FAM163A: variants seen among roughly 807,000 people sequenced by gnomAD.
FAM163A encodes the protein protein FAM163A.
FAM163A carries 7 observed loss-of-function variants against 12.0 expected under a neutral mutation model. The observed-to-expected ratio is 0.58, with a 90% CI of 0.33 to 1.10. FAM163A has a LOEUF of 1.10. FAM163A is among the 50% of genes least tolerant of loss of function. The pLI is 0.03. For synonymous variants in FAM163A, 101 were observed against 91.0 expected (o/e 1.11, Z -0.62); for missense variants, 202 against 218.6 (o/e 0.92, Z 0.48).
At chr1:179,794,139 C>T (rs1422537488) in intron 1 of FAM163A, among the ~76,000 whole-genome samples, 1 of 152,238 alleles carries the variant, frequency 6.6e-6, no homozygotes, top group Non-Finnish European at 1.5e-5. Flanking sequence ...TGTGCCTCTG[C>T]TCAGCCTAAT....
chr1:179,791,222 A>T (rs1691447725), intron 1 of FAM163A, among the ~76,000 whole-genome samples: 1 of 152,202 alleles, frequency 6.6e-6, no homozygotes, highest in South Asian at 2.1e-4. Context: ...CGGCAGTAAC[A>T]CTGCCGACTG....
chr1:179,815,554 TTG>T lies in FAM163A; in HGVS notation c.*1369_*1370del, dbSNP rs567500050. On this transcript the variant is annotated 3_prime_UTR_variant, in exon 5 of 5. Coordinates refer to ENST00000341785, the MANE Select transcript of FAM163A (RefSeq NM_173509.3). The stretch of plus-strand genomic sequence containing the variant: ...CAGTTTCCTGGCGATGAGCCATTTA[TTG>T]TGTCTCACACCAGCCTCATTTCCAA... 6.0e-4 allele frequency: 91 copies of T among 152,414 alleles called. No individual in the cohort carries two copies. Among genetic ancestry groups the T allele is most frequent in the African/African-American group, 2.1e-3 (87 of 41,586 alleles). 9.4% of individuals were successfully genotyped at this position (152,414 alleles called of 1,614,324 possible).
intron 1 of FAM163A, among the ~76,000 whole-genome samples, chr1:179,806,668 A>G (rs1254247870): frequency 3.9e-5 from 6 of 152,196 alleles, no homozygotes; most frequent in Admixed American, 1.3e-4. Flanking sequence ...TTCCTCCCCA[A>G]TACAAACATC....
At chr1:179,782,907 G>A (rs535463941) in intron 1 of FAM163A, among the ~76,000 whole-genome samples, 1 of 152,176 alleles carries the variant, frequency 6.6e-6, no homozygotes, top group East Asian at 1.9e-4. Context: ...TCCTCAGCCT[G>A]TGTGCATTTC....
At chr1:179,778,134 G>T (rs1331563303) in intron 1 of FAM163A, among the ~76,000 whole-genome samples, 1 of 152,198 alleles carries the variant, frequency 6.6e-6, no homozygotes, top group African/African-American at 2.4e-5. Context: ...TCCTCTTTAG[G>T]TTGGGGTAAG....
the FAM163A span, chr1:179,730,241 A>G: frequency 6.6e-6 from 1 of 152,258 alleles, no homozygotes; most frequent in Admixed American, 6.5e-5. Context: ...ACAGTGATTT[A>G]AAACAGCAGA....
At chr1:179,760,343 T>A (rs1360301116) in intron 1 of FAM163A, among the ~76,000 whole-genome samples, 1 of 152,134 alleles carries the variant, frequency 6.6e-6, no homozygotes. Flanking sequence ...CCAAAATCTA[T>A]CAATATTAGA....
chr1:179,814,378 CA>C lies in FAM163A; in HGVS notation c.*191del. The C allele has an allele frequency of 1.3e-6, 1 of 762,552 alleles. No homozygotes were observed. The highest frequency in any genetic ancestry group is 3.4e-5 in the Admixed American group (1 of 29,152). 47.2% of individuals were successfully genotyped at this position (762,552 alleles called of 1,614,324 possible). A position where few individuals can be genotyped will look rare whatever the true frequency, so the allele number is the denominator to read the frequency against. ...TGAGAACCAAGACAGGGCCTGGCTC[CA>C]ACTCTGTGGGCCAGAGGTGGGGGAC... On this transcript the variant is annotated 3_prime_UTR_variant, in exon 5 of 5. Coordinates refer to ENST00000341785, the MANE Select transcript of FAM163A (RefSeq NM_173509.3).
chr1:179,775,356 T>A (rs1290663267), intron 1 of FAM163A, among the ~76,000 whole-genome samples: 2 of 152,184 alleles, frequency 1.3e-5, no homozygotes, highest in African/African-American at 4.8e-5. Flanking sequence ...CTACAATCAG[T>A]CTGATTGGTT....
At chr1:179,791,831 A>T (rs565796910) in intron 1 of FAM163A, among the ~76,000 whole-genome samples, 97 of 152,292 alleles carry the variant, frequency 6.4e-4, no homozygotes, top group African/African-American at 2.0e-3. Context: ...TCCCACCAAA[A>T]GCTTAATCAC....
In FAM163A at chr1:179,804,735, A is replaced by AT. The variant is rs562396653; in HGVS notation, c.-135-3062dup. Among the ~76,000 whole-genome samples, 15 of 152,356 alleles carry AT rather than the reference A, an allele frequency of 9.8e-5. No individual in the cohort carries two copies. The South Asian group carries it at 2.9e-3, about 29-fold the overall frequency. On this transcript the variant is annotated intron_variant, in intron 1 of 4. Coordinates refer to ENST00000341785, the MANE Select transcript of FAM163A (RefSeq NM_173509.3). ...AGCCAAAGACCACATGTTCTCACATATAAGTGGGAGCTAAATGATGAGAAC... is the reference window on the plus strand; with the variant it reads ...AGCCAAAGACCACATGTTCTCACATATTAAGTGGGAGCTAAATGATGAGAAC...
chr1:179,754,367 A>G (rs936281583), intron 1 of FAM163A, among the ~76,000 whole-genome samples: 1 of 152,152 alleles, frequency 6.6e-6, no homozygotes, highest in Admixed American at 6.5e-5. Context: ...TACAGAAGCC[A>G]GCTTTGCACC....
chr1:179,756,801 G>A (rs1686085489), intron 1 of FAM163A, among the ~76,000 whole-genome samples: 2 of 152,186 alleles, frequency 1.3e-5, no homozygotes, highest in Admixed American at 1.3e-4. Context: ...ACCAGGAGAA[G>A]TAGTGTCATG....
chr1:179,757,606 G>A (rs567929646), intron 1 of FAM163A, among the ~76,000 whole-genome samples: 251 of 152,282 alleles, frequency 1.6e-3, no homozygotes, highest in African/African-American at 5.1e-3. Context: ...GAGCCCAGGA[G>A]TTCGAGACCA....
intron 1 of FAM163A, among the ~76,000 whole-genome samples, chr1:179,800,662 C>G (rs1433027840): frequency 6.6e-6 from 1 of 152,204 alleles, no homozygotes; most frequent in African/African-American, 2.4e-5. Context: ...TGCCTCTCAT[C>G]TTGTGTCCCT....
At chr1:179,741,669 G>T (rs1683658892), upstream of FAM163A, among the ~76,000 whole-genome samples, 1 of 152,130 alleles carries the variant, frequency 6.6e-6, no homozygotes, top group South Asian at 2.1e-4. Context: ...AAGAGGCCAG[G>T]CACACACAAA....
At chr1:179,811,624 G>T (rs570665232) in intron 2 of FAM163A, among the ~76,000 whole-genome samples, 1 of 152,306 alleles carries the variant, frequency 6.6e-6, no homozygotes, top group South Asian at 2.1e-4. Flanking sequence ...GGCAGGTGCA[G>T]CCCTCTAAGA....
chr1:179,769,892 C>A (rs911654865), intron 1 of FAM163A, among the ~76,000 whole-genome samples: 2 of 151,004 alleles, frequency 1.3e-5, no homozygotes, highest in African/African-American at 2.4e-5. Context: ...ACTCTTTCAT[C>A]CCTAATTCTT....
intron 1 of FAM163A, among the ~76,000 whole-genome samples, 158 bp downstream of exon 1, chr1:179,743,581 G>A (rs1683964124): frequency 6.6e-6 from 1 of 152,156 alleles, no homozygotes; most frequent in Non-Finnish European, 1.5e-5. Flanking sequence ...GCGCGCCCCG[G>A]CTGCCTCCCT....
Sources: gnomAD v4.1 joint callset for allele counts (sites outside exome capture counted in the v4.1 genomes callset) on GRCh38, gnomAD v4.1.1 for gene constraint, MANE v1.5 for transcripts, NCBI Gene and HGNC (gene_info 2026-07-23, HGNC 2026-07-21) for gene names.